The following PRDM16 variants were observed in gnomAD, a reference collection of about 807,000 sequenced individuals.
PRDM16 encodes PR/SET domain 16, also known as histone-lysine N-methyltransferase PRDM16.
Under a neutral mutation model 110.6 loss-of-function variants are expected in PRDM16, and 23 were observed. The observed-to-expected ratio is 0.21, with a 90% CI of 0.15 to 0.29. The LOEUF (loss-of-function observed/expected upper bound fraction) is 0.29, where lower values mean the gene tolerates loss of function less well. Among genes scored for constraint, PRDM16 ranks in the 10% least tolerant of loss-of-function variants. The pLI is 1.00. For missense variants in PRDM16, 1,615 were observed against 1,794.3 expected (o/e 0.90, Z 1.81); for synonymous variants, 799 against 781.8 (o/e 1.02, Z -0.37).
chr1:3,412,023 C>T lies in PRDM16; in HGVS notation c.1826C>T (p.Thr609Ile), dbSNP rs1328982704. The T allele has an allele frequency of 1.9e-5, 30 of 1,613,356 alleles. No individual in the cohort carries two copies. The highest frequency in any genetic ancestry group is 2.2e-5 in the Non-Finnish European group (26 of 1,179,916). ...GGCAGTGACTTTGAGGACGTCAACA[C>T]CACCACGGGGACCGACCTGGACACG... ...SDGSDFEDVNTTTGTDLDTTT... is the reference protein window; with the variant it reads ...SDGSDFEDVNITTGTDLDTTT... The change falls in exon 9 of 17, where the codon ACC becomes ATC. Residue 609 changes from threonine (T) to isoleucine (I), a missense_variant. Thr to Ile is a moderately conservative substitution (Grantham distance 89, BLOSUM62 -1). Transcript: ENST00000270722.
chr1:3,194,871 C>A (rs567246352), intron 2 of PRDM16, among the ~76,000 whole-genome samples: 1 of 152,352 alleles, frequency 6.6e-6, no homozygotes, highest in Admixed American at 6.5e-5. Context: ...ACCACCCCCA[C>A]GGTTGAGTGG....
At chr1:3,096,322 G>A (rs1029718002) in intron 1 of PRDM16, among the ~76,000 whole-genome samples, 2 of 152,030 alleles carry the variant, frequency 1.3e-5, no homozygotes, top group Admixed American at 6.5e-5. Flanking sequence ...CCAGAACCCC[G>A]CGGGCCCCTT....
chr1:3,414,503 T>A, intron 9 of PRDM16, 57 bp from the exon 10 acceptor site: 1 of 1,391,552 alleles, frequency 7.2e-7, no homozygotes, highest in Non-Finnish European at 1.0e-6. Flanking sequence ...GTGGAGCGGG[T>A]GGCTCGGCGG....
intron 3 of PRDM16, among the ~76,000 whole-genome samples, chr1:3,348,522 C>T (rs1014121793): frequency 5.9e-5 from 9 of 152,212 alleles, no homozygotes; most frequent in African/African-American, 1.7e-4. Context: ...CCCACAAAGG[C>T]GGCTTGAATG....
At chr1:3,354,634 T>C (rs1188854986) in intron 3 of PRDM16, among the ~76,000 whole-genome samples, 3 of 152,146 alleles carry the variant, frequency 2.0e-5, no homozygotes, top group African/African-American at 4.8e-5. Context: ...GGGTGTCTGG[T>C]GTTCCAGCTC....
chr1:3,198,256 C>CGTCTCTCT (rs1394667050), intron 2 of PRDM16, among the ~76,000 whole-genome samples: 3 of 152,192 alleles, frequency 2.0e-5, no homozygotes, highest in Admixed American at 6.5e-5. Context: ...CGCAGGGCAG[C>CGTCTCTCT]GTCTCTCTGG....
intron 4 of PRDM16, among the ~76,000 whole-genome samples, chr1:3,393,337 G>A (rs1200827138): frequency 6.6e-6 from 1 of 152,238 alleles, no homozygotes; most frequent in African/African-American, 2.4e-5. Flanking sequence ...GCTGCTGGGG[G>A]CTAAAGGCTA....
chr1:3,193,591 G>A (rs1638374846), intron 2 of PRDM16, among the ~76,000 whole-genome samples: 1 of 152,180 alleles, frequency 6.6e-6, no homozygotes, highest in African/African-American at 2.4e-5. Flanking sequence ...CAGGATGGCA[G>A]GCAAGGAAGG....
At position 3,177,730 on chromosome 1, in the gene PRDM16, A is replaced by G. The variant is rs537870180; in HGVS notation, c.38-8395A>G. Among the ~76,000 whole-genome samples, 19 of 152,344 alleles carry G rather than the reference A, an allele frequency of 1.2e-4. 1 individual carries two copies. Among genetic ancestry groups the G allele is most frequent in the Admixed American group, 7.8e-4 (12 of 15,298 alleles). On this transcript the variant is annotated intron_variant, in intron 1 of 16. Transcript: ENST00000270722. Reference sequence around the variant, plus strand: ...ACAGCTGTGTGGTCAACCAGGGACCATGTTTCCTCACAGTCTTGGAGTTGT... The same window carrying G: ...ACAGCTGTGTGGTCAACCAGGGACCGTGTTTCCTCACAGTCTTGGAGTTGT...
intron 3 of PRDM16, among the ~76,000 whole-genome samples, chr1:3,252,254 G>A (rs1639950599): frequency 6.6e-6 from 1 of 152,230 alleles, no homozygotes; most frequent in African/African-American, 2.4e-5. Context: ...GGCTCCGAGG[G>A]CCAGCTCTGA....
chr1:3,421,760 G>GTTT (rs1638435588), intron 12 of PRDM16, among the ~76,000 whole-genome samples: 1 of 152,208 alleles, frequency 6.6e-6, no homozygotes, highest in African/African-American at 2.4e-5. Context: ...AATTGCTAGG[G>GTTT]TTTATGCAAG....
At chr1:3,110,236 G>T (rs1162448972) in intron 1 of PRDM16, among the ~76,000 whole-genome samples, 1 of 142,580 alleles carries the variant, frequency 7.0e-6, no homozygotes, top group African/African-American at 2.7e-5. Flanking sequence ...CCTCTGTCCT[G>T]GGTGTGGGGA....
At chr1:3,110,494 A>G (rs11808705) in intron 1 of PRDM16, among the ~76,000 whole-genome samples, 8 of 75,730 alleles carry the variant, frequency 1.1e-4, no homozygotes, top group African/African-American at 4.5e-4. Flanking sequence ...ACAGTGTCTG[A>G]GGCTCCCCCA....
chr1:3,087,479 G>T (rs1642177260), intron 1 of PRDM16, among the ~76,000 whole-genome samples: 1 of 152,186 alleles, frequency 6.6e-6, no homozygotes, highest in African/African-American at 2.4e-5. Context: ...TTAGGTTAGG[G>T]TCCTTCCTTG....
At position 3,404,892 on chromosome 1, in the gene PRDM16, C is replaced by T. The variant is rs760680871; in HGVS notation, c.1032+6C>T. On this transcript the variant is annotated splice_donor_region_variant and intron_variant, in intron 7 of 16. Transcript: ENST00000270722. ...AATGTGAAAACTGCGTGAAGGTAAC[C>T]TGCGGGGCGGCCCCGTCTCAGCCCC... 3.1e-6 allele frequency: 5 copies of T among 1,612,268 alleles called. No homozygotes were observed. In the South Asian group the frequency reaches 3.3e-5, roughly 11 times the overall value.
chr1:3,153,602 T>C lies in PRDM16; in HGVS notation c.38-32523T>C, dbSNP rs193034088. 1.7e-3 allele frequency among the ~76,000 whole-genome samples: 260 copies of C among 152,298 alleles called. 1 individual carries two copies. Among genetic ancestry groups the C allele is most frequent in the Non-Finnish European group, 2.7e-3 (186 of 68,024 alleles). ...CTGGTCCTCAACGCTGGCAACAGTT[T>C]CTCTCGCTATGAGTTGGTCCCAGAG... is the stretch of plus-strand genomic sequence containing the variant. On this transcript the variant is annotated intron_variant, in intron 1 of 16. Coordinates refer to ENST00000270722, the MANE Select transcript of PRDM16 (RefSeq NM_022114.4).
chr1:3,335,304 G>T (rs771945287), intron 3 of PRDM16, among the ~76,000 whole-genome samples: 2 of 152,312 alleles, frequency 1.3e-5, no homozygotes, highest in East Asian at 3.9e-4. Flanking sequence ...ACAGCCTTCC[G>T]CTTGGGAAAG....
At chr1:3,269,529 TC>T (rs766171025) in intron 3 of PRDM16, among the ~76,000 whole-genome samples, 9 of 115,372 alleles carry the variant, frequency 7.8e-5, no homozygotes, top group Non-Finnish European at 1.5e-4. Flanking sequence ...AGGAGGACAG[TC>T]GGGGAGGAGC....
chr1:3,375,417 G>A (rs1206115006), intron 3 of PRDM16, among the ~76,000 whole-genome samples: 1 of 152,246 alleles, frequency 6.6e-6, no homozygotes, highest in Non-Finnish European at 1.5e-5. Context: ...CTGGGTCTGA[G>A]TCACCAGTGT....
Sources: gnomAD v4.1 joint callset for allele counts (sites outside exome capture counted in the v4.1 genomes callset) on GRCh38, gnomAD v4.1.1 for gene constraint, MANE v1.5 for transcripts, NCBI Gene and HGNC (gene_info 2026-07-23, HGNC 2026-07-21) for gene names.